Variants in ANKFY1 observed in about 807,000 individuals in gnomAD.
ANKFY1 encodes ankyrin repeat and FYVE domain-containing protein 1.
A neutral mutation model predicts 128.3 loss-of-function variants in ANKFY1; 47 were observed. That is an observed-to-expected ratio of 0.37 (90% CI 0.29 to 0.47). ANKFY1 has a LOEUF of 0.47. ANKFY1 is among the 20% of genes least tolerant of loss of function. The pLI is 1.00. For missense variants in ANKFY1, 1,222 were observed against 1,510.6 expected, an observed-to-expected ratio of 0.81 and a Z score of 3.17; for synonymous variants, 553 against 601.6, an observed-to-expected ratio of 0.92 and a Z score of 1.18.
intron 10 of ANKFY1, among the ~76,000 whole-genome samples, chr17:4,194,028 G>T (rs1290415245): frequency 6.7e-6 from 1 of 149,216 alleles, no homozygotes; most frequent in Non-Finnish European, 1.5e-5. Flanking sequence ...AAAGTGCTAG[G>T]ATTACAGGTG....
rs908732164 is a variant in ANKFY1 at position 4,172,929 on chromosome 17, G to A, written c.3015-249C>T. Among the ~76,000 whole-genome samples, 12 of 152,150 alleles carry A rather than the reference G, an allele frequency of 7.9e-5. 1 individual carries two copies. Among genetic ancestry groups the A allele is most frequent in the African/African-American group, 2.4e-4 (10 of 41,440 alleles). On this transcript the variant is annotated intron_variant, in intron 21 of 24. Transcript: ENST00000341657. Reference sequence around the variant, plus strand: ...GGCTGGAGTGCAGTGGCGCGATCTCGGCTCACTGCAAGCTCCGCCTCCCGG... The same window carrying A: ...GGCTGGAGTGCAGTGGCGCGATCTCAGCTCACTGCAAGCTCCGCCTCCCGG...
At chr17:4,179,275 C>A in intron 17 of ANKFY1, 1 of 598,524 alleles carries the variant, frequency 1.7e-6, no homozygotes, top group Non-Finnish European at 2.9e-6. Flanking sequence ...GTAGGACCAG[C>A]ACAAACATGT....
chr17:4,245,191 T>G (rs1441054289), intron 1 of ANKFY1, among the ~76,000 whole-genome samples: 2 of 152,122 alleles, frequency 1.3e-5, no homozygotes, highest in Non-Finnish European at 2.9e-5. Context: ...CAATCTTTTC[T>G]TTTTCTTTTT....
Position 4,206,359 on chromosome 17 carries a change from T to C in ANKFY1, c.860A>G (p.Lys287Arg). 1 of 1,614,196 alleles carries C rather than the reference T, an allele frequency of 6.2e-7. No homozygotes were observed. The change falls in exon 7 of 25, where the codon AAG (lysine) becomes AGG (arginine). Residue 287 changes from lysine (K) to arginine (R), a missense_variant. By Grantham distance (26) the Lys-to-Arg change is conservative. Coordinates refer to ENST00000341657, the MANE Select transcript of ANKFY1 (RefSeq NM_001330063.2). ...TTTGTGTAACAAGCTCCAGCCACTC[T>C]TGTCCACCATGTCCACATCAGCTTT... is the stretch of plus-strand genomic sequence containing the variant. ...SHKADVDMVDKSGWSLLHKGI... is the reference protein window; with the variant it reads ...SHKADVDMVDRSGWSLLHKGI...
chr17:4,163,882 C>T lies in ANKFY1; in HGVS notation c.*3897G>A, dbSNP rs1253658196. ...CTGCATTAGAAGTAACTACAAATGT[C>T]TTATTAAAGTTTCCACTTTAAATGC... On this transcript the variant is annotated 3_prime_UTR_variant, in exon 25 of 25. Transcript: ENST00000341657. 2 of 152,642 alleles carry T rather than the reference C, an allele frequency of 1.3e-5. No homozygotes were observed. The highest frequency in any genetic ancestry group is 4.8e-5 in the African/African-American group (2 of 41,458). The allele number at this position is 152,642 out of a possible 1,614,324, so 9.5% of individuals were successfully genotyped here.
chr17:4,207,427 G>A (rs1489721113), intron 6 of ANKFY1, among the ~76,000 whole-genome samples: 2 of 152,166 alleles, frequency 1.3e-5, no homozygotes, highest in East Asian at 3.8e-4. Flanking sequence ...TGGGGACCTC[G>A]ATCCTGTAAG....
intron 7 of ANKFY1, among the ~76,000 whole-genome samples, chr17:4,201,055 G>A (rs1458299476): frequency 2.0e-5 from 3 of 152,148 alleles, no homozygotes; most frequent in Non-Finnish European, 4.4e-5. Context: ...TTTTGAGACA[G>A]GGTCTCACTC....
intron 5 of ANKFY1, among the ~76,000 whole-genome samples, chr17:4,208,776 C>T (rs536733834): frequency 9.9e-5 from 15 of 152,262 alleles, no homozygotes; most frequent in Admixed American, 5.9e-4. Context: ...AAACACTGGC[C>T]GGGCGCAGTG....
chr17:4,257,109 TTGTC>T, intron 1 of ANKFY1, among the ~76,000 whole-genome samples: 1 of 152,318 alleles, frequency 6.6e-6, no homozygotes, highest in Admixed American at 6.5e-5. Flanking sequence ...GCTCAGCCAT[TTGTC>T]TGAGTCATCC....
At chr17:4,259,682 T>C (rs1968304173) in intron 1 of ANKFY1, among the ~76,000 whole-genome samples, 1 of 152,210 alleles carries the variant, frequency 6.6e-6, no homozygotes, top group Non-Finnish European at 1.5e-5. Context: ...TAATAAAAGG[T>C]GGACCAGCCA....
intron 1 of ANKFY1, among the ~76,000 whole-genome samples, chr17:4,256,203 C>T (rs1011583679): frequency 3.3e-5 from 5 of 152,034 alleles, no homozygotes; most frequent in South Asian, 2.1e-4. Flanking sequence ...CCAAGGCGGG[C>T]GGATTACGAA....
Position 4,181,155 on chromosome 17 carries a change from T to C in ANKFY1, c.2240+99A>G. On this transcript the variant is annotated intron_variant, in intron 16 of 24. Coordinates refer to ENST00000341657, the MANE Select transcript of ANKFY1 (RefSeq NM_001330063.2). The surrounding 1 kb of genome is among the most constrained non-coding windows in gnomAD (Gnocchi z 4.9). ...CCTTAACTGTGAAAGTCAAGCCGGC[T>C]ACTGGCATGCCAAGACTATAGACGG... is the stretch of plus-strand genomic sequence containing the variant. 1 of 973,900 alleles carries C rather than the reference T, an allele frequency of 1.0e-6. No individual in the cohort carries two copies. The highest frequency in any genetic ancestry group is 2.5e-5 in the East Asian group (1 of 40,772). 60.3% of individuals were successfully genotyped at this position (973,900 alleles called of 1,614,324 possible).
rs1868668442 is a variant in ANKFY1 at position 4,165,325 on chromosome 17, A to T, written c.*2454T>A. 6.6e-6 allele frequency: 1 copy of T among 152,252 alleles called. No individual in the cohort carries two copies. The highest frequency in any genetic ancestry group is 2.1e-4 in the South Asian group (1 of 4,830). 9.4% of individuals were successfully genotyped at this position (152,252 alleles called of 1,614,324 possible). ...AAAGTTTACTTTTCCTGCTCTACTC[A>T]TTCAGAAGTGGCAACTTTCTGAATG... is the stretch of plus-strand genomic sequence containing the variant. On this transcript the variant is annotated 3_prime_UTR_variant, in exon 25 of 25. Transcript: ENST00000341657.
At chr17:4,252,698 C>G (rs1967903530) in intron 1 of ANKFY1, among the ~76,000 whole-genome samples, 1 of 152,206 alleles carries the variant, frequency 6.6e-6, no homozygotes, top group Admixed American at 6.5e-5. Context: ...TTATGGCCAA[C>G]AATTCCACTC....
chr17:4,244,017 G>A (rs1310993844), intron 1 of ANKFY1, among the ~76,000 whole-genome samples: 3 of 150,818 alleles, frequency 2.0e-5, no homozygotes, highest in Non-Finnish European at 2.9e-5. Context: ...TGCAACCTCC[G>A]TCTCCTGGGT....
rs371588557 is a variant in ANKFY1, at chr17:4,195,171, A to C, written c.1179T>G (p.Asp393Glu). ...FSQLLQCKQL[D>E]LELKDHEGST... ...TGCCCTCGTGGTCTTTGAGTTCTAAATCTAGTCTGAAAAGCAGAAGCAGTG... is the reference window on the plus strand; with the variant it reads ...TGCCCTCGTGGTCTTTGAGTTCTAACTCTAGTCTGAAAAGCAGAAGCAGTG... The change falls in exon 10 of 25, where the codon GAT becomes GAG. Residue 393 changes from aspartate to glutamate, a missense_variant. Coordinates refer to ENST00000341657, the MANE Select transcript of ANKFY1 (RefSeq NM_001330063.2). 3.7e-6 allele frequency: 6 copies of C among 1,605,706 alleles called. No individual in the cohort carries two copies. The South Asian group carries it at 6.6e-5, about 18-fold the overall frequency.
chr17:4,252,303 A>C (rs1967878423), intron 1 of ANKFY1, among the ~76,000 whole-genome samples: 1 of 152,226 alleles, frequency 6.6e-6, no homozygotes, highest in South Asian at 2.1e-4. Context: ...GCAGTGGTTC[A>C]CACCTATAAT....
At chr17:4,216,800 G>T in intron 4 of ANKFY1, 183 bp downstream of exon 4, 1 of 765,578 alleles carries the variant, frequency 1.3e-6, no homozygotes, top group Non-Finnish European at 2.2e-6. Flanking sequence ...AAAAGCTTTA[G>T]CAAAATTTAG....
chr17:4,179,087 C>T, intron 17 of ANKFY1, 30 bp from the exon 18 acceptor site: 2 of 1,606,886 alleles, frequency 1.2e-6, no homozygotes, highest in Non-Finnish European at 8.5e-7. Flanking sequence ...ATTTAATGTT[C>T]AATTGCAAGA....
Sources: allele counts gnomAD v4.1 joint callset (sites outside exome capture counted in the v4.1 genomes callset), GRCh38; gene constraint gnomAD v4.1.1; non-coding constraint Gnocchi (gnomAD v3.1); transcripts MANE v1.5; gene names NCBI Gene and HGNC (gene_info 2026-07-23, HGNC 2026-07-21).